SLC15A2: variants seen among roughly 807,000 people sequenced by gnomAD.
SLC15A2 encodes the protein kidney H(+)/peptide cotransporter.
A neutral mutation model predicts 95.5 loss-of-function variants in SLC15A2; 77 were observed. The observed-to-expected ratio is 0.81, with a 90% CI of 0.67 to 0.97. The LOEUF (loss-of-function observed/expected upper bound fraction) is 0.97, where lower values mean the gene tolerates loss of function less well. Among genes scored for constraint, SLC15A2 ranks in the 50% least tolerant of loss-of-function variants. SLC15A2 has a pLI of 0.00. For synonymous variants in SLC15A2, 306 were observed against 306.9 expected (o/e 1.00, Z 0.03); for missense variants, 893 against 874.4 (o/e 1.02, Z -0.27).
chr3:121,939,286 T>G, intron 19 of SLC15A2, 63 bp from the exon 20 acceptor site: 1 of 1,262,994 alleles, frequency 7.9e-7, no homozygotes. Flanking sequence ...CGTAGAATGC[T>G]GTAGTTAGAA....
At chr3:121,935,741 G>C (rs1003090485) in intron 19 of SLC15A2, among the ~76,000 whole-genome samples, 11 of 151,878 alleles carry the variant, frequency 7.2e-5, no homozygotes, top group African/African-American at 2.7e-4. Context: ...ATTTTTTGAA[G>C]GGTTTTTTGT....
rs908145416 is a variant in SLC15A2, at chr3:121,915,656, T to C, written c.660T>C (p.Ala220=). ...QCFGEDCYAL[A]FGVPGLLMVI... is the part of the protein sequence containing the mutation. ...TTGGAGAAGACTGCTATGCATTGGC[T>C]TTTGGAGTTCCAGGACTGCTCATGG... Residue 220 remains alanine (A), a synonymous_variant, in exon 7 of 22, where the codon GCT becomes GCC. Coordinates refer to ENST00000489711, the MANE Select transcript of SLC15A2 (RefSeq NM_021082.4). The C allele has an allele frequency of 6.2e-7, 1 of 1,613,818 alleles. No homozygotes were observed. The highest frequency in any genetic ancestry group is 1.3e-5 in the African/African-American group (1 of 74,926).
chr3:121,926,772 GGAAAA>G (rs1488225393), intron 13 of SLC15A2, among the ~76,000 whole-genome samples: 1 of 152,212 alleles, frequency 6.6e-6, no homozygotes, highest in Non-Finnish European at 1.5e-5. Context: ...CCCTGGGCCT[GGAAAA>G]CCACGGGCAC....
intron 3 of SLC15A2, among the ~76,000 whole-genome samples, chr3:121,904,730 A>G (rs1709596642): frequency 6.6e-6 from 1 of 152,108 alleles, no homozygotes; most frequent in Admixed American, 6.5e-5. Flanking sequence ...AACCTTTCTG[A>G]TGTGCTGCTG....
rs758759841 is a variant in SLC15A2, at chr3:121,928,428, C to T, written c.1214C>T (p.Ala405Val). Residue 405 changes from alanine to valine, a missense_variant, in exon 15 of 22, where the codon GCC (alanine) becomes GTC (valine). By Grantham distance (64) the Ala-to-Val change is moderately conservative (BLOSUM62 0). Coordinates refer to ENST00000489711, the MANE Select transcript of SLC15A2 (RefSeq NM_021082.4). ...AAVEIKINEM[A>V]PAQPGPQEVF... ...TGTGTTCTTTGCTCTAAGGAAATGG[C>T]CCCAGCCCAGCCAGGTCCCCAGGAG... 27 of 1,613,316 alleles carry T rather than the reference C, an allele frequency of 1.7e-5. No individual in the cohort carries two copies. The highest frequency in any genetic ancestry group is 2.7e-5 in the African/African-American group (2 of 74,872).
chr3:121,938,307 T>C (rs900027366), intron 19 of SLC15A2, among the ~76,000 whole-genome samples: 50 of 152,230 alleles, frequency 3.3e-4, no homozygotes, highest in Non-Finnish European at 4.4e-4. Context: ...TTGGAGCTTC[T>C]CGGCTGCTTT....
intron 19 of SLC15A2, among the ~76,000 whole-genome samples, chr3:121,936,822 T>G (rs1710357882): frequency 1.4e-5 from 2 of 144,694 alleles, no homozygotes; most frequent in Admixed American, 7.0e-5. Flanking sequence ...GTTAGCTGGT[T>G]ATTTTGCTCG....
chr3:121,927,598 C>T (rs941621743), intron 13 of SLC15A2, 160 bp from the exon 14 acceptor site: 11 of 572,626 alleles, frequency 1.9e-5, no homozygotes, highest in Admixed American at 1.8e-4. Flanking sequence ...AACCATAAGC[C>T]AATTAAACTT....
In SLC15A2 at chr3:121,934,714, G is replaced by A. The variant is rs559001717; in HGVS notation, c.1761+2979G>A. Among the ~76,000 whole-genome samples the A allele has an allele frequency of 1.4e-3, 212 of 152,246 alleles. 1 individual carries two copies. Among genetic ancestry groups the A allele is most frequent in the African/African-American group, 4.8e-3 (201 of 41,500 alleles). On this transcript the variant is annotated intron_variant, in intron 19 of 21. Transcript: ENST00000489711. ...TACAATCATGTCGTCTGCAAATAGG[G>A]ACAATTTGACTTCCTCTTTTCCTAA...
chr3:121,935,525 C>A (rs1379794646), intron 19 of SLC15A2, among the ~76,000 whole-genome samples: 1 of 152,160 alleles, frequency 6.6e-6, no homozygotes, highest in South Asian at 2.1e-4. Context: ...TTATCCATTT[C>A]TTCTAGACTT....
At chr3:121,940,778 C>A (rs1710446091) in intron 21 of SLC15A2, 53 bp from the exon 22 acceptor site, 3 of 1,549,270 alleles carry the variant, frequency 1.9e-6, no homozygotes, top group Non-Finnish European at 2.6e-6. Flanking sequence ...CTGTAAAGAT[C>A]TCTTTAGTTT....
chr3:121,930,740 G>A, intron 17 of SLC15A2, 100 bp from the exon 18 acceptor site: 1 of 672,428 alleles, frequency 1.5e-6, no homozygotes, highest in East Asian at 2.7e-5. Flanking sequence ...AGGCACCTGG[G>A]CACTGGGGAT....
intron 1 of SLC15A2, among the ~76,000 whole-genome samples, chr3:121,895,062 T>C (rs774887912): frequency 4.6e-5 from 7 of 152,208 alleles, no homozygotes; most frequent in Non-Finnish European, 1.0e-4. Flanking sequence ...AAACAGAGAA[T>C]AGTAATGTTT....
rs1314290553 is a variant in SLC15A2, at chr3:121,944,052, C to G, written c.*3045C>G. 6.6e-6 allele frequency: 1 copy of G among 152,116 alleles called. No homozygotes were observed. 9.4% of individuals were successfully genotyped at this position (152,116 alleles called of 1,614,324 possible). On this transcript the variant is annotated 3_prime_UTR_variant, in exon 22 of 22. Coordinates refer to ENST00000489711, the MANE Select transcript of SLC15A2 (RefSeq NM_021082.4). ...ATTCATTTGAAAAAATGTGGACACA[C>G]AAATTGGAAAAGAGGTATAAATGCA...
chr3:121,939,956 C>A (rs1710428105), intron 20 of SLC15A2, among the ~76,000 whole-genome samples: 1 of 152,028 alleles, frequency 6.6e-6, no homozygotes. Flanking sequence ...TAGGCGCACA[C>A]CACCATTCCT....
chr3:121,928,431 C>G lies in SLC15A2; in HGVS notation c.1217C>G (p.Pro406Arg). The G allele has an allele frequency of 6.2e-7, 1 of 1,613,726 alleles. No individual in the cohort carries two copies. The stretch of plus-strand genomic sequence containing the variant: ...GTTCTTTGCTCTAAGGAAATGGCCC[C>G]AGCCCAGCCAGGTCCCCAGGAGGTT... ...AVEIKINEMA[P>R]AQPGPQEVFL... Residue 406 changes from proline (P) to arginine (R), a missense_variant, in exon 15 of 22, where the codon CCA becomes CGA. Coordinates refer to ENST00000489711, the MANE Select transcript of SLC15A2 (RefSeq NM_021082.4).
intron 2 of SLC15A2, among the ~76,000 whole-genome samples, chr3:121,897,112 T>C (rs1484587352): frequency 1.3e-5 from 2 of 151,460 alleles, no homozygotes; most frequent in African/African-American, 4.8e-5. Context: ...CACCATGTTA[T>C]GTTCATGGTT....
rs761550154 is a variant in SLC15A2, at chr3:121,922,842, G to A, written c.848G>A (p.Trp283Ter). ...CCAAAGCGACAGCACTGGCTAGACT[G>A]GGCGGCTGAGAAATATCCAGTAAGT... ...DIPKRQHWLD[W>*]AAEKYPKQLI... Residue 283 changes from tryptophan (W) to a stop codon, truncating the protein, a stop_gained, in exon 9 of 22, where the codon TGG becomes TAG. Coordinates refer to ENST00000489711, the MANE Select transcript of SLC15A2 (RefSeq NM_021082.4). LOFTEE classifies it high-confidence loss of function. 2 of 1,613,850 alleles carry A rather than the reference G, an allele frequency of 1.2e-6. No individual in the cohort carries two copies. The highest frequency in any genetic ancestry group is 2.2e-5 in the South Asian group (2 of 91,046).
intron 4 of SLC15A2, among the ~76,000 whole-genome samples, chr3:121,912,819 G>C (rs1397410215): frequency 6.6e-6 from 1 of 152,126 alleles, no homozygotes; most frequent in Non-Finnish European, 1.5e-5. Context: ...ATACTTTCTT[G>C]CAGAGGCCGA....
Sources: allele counts gnomAD v4.1 joint callset (sites outside exome capture counted in the v4.1 genomes callset), GRCh38; gene constraint gnomAD v4.1.1; transcripts MANE v1.5; gene names NCBI Gene and HGNC (gene_info 2026-07-23, HGNC 2026-07-21).